LRP1B: variants seen among roughly 807,000 people sequenced by gnomAD.
LRP1B encodes the protein low-density lipoprotein receptor-related protein 1B.
LRP1B carries 217 observed loss-of-function variants against 556.6 expected under a neutral mutation model. The observed-to-expected ratio is 0.39, with a 90% CI of 0.35 to 0.44. The LOEUF (loss-of-function observed/expected upper bound fraction) is 0.44. LRP1B is among the 20% of genes least tolerant of loss of function. The pLI, the probability that LRP1B is intolerant of heterozygous loss-of-function variation, is 1.00. For missense variants in LRP1B, 5,053 were observed against 5,620.8 expected (o/e 0.90, Z 3.23); for synonymous variants, 2,047 against 1,865.8 (o/e 1.10, Z -2.50).
intron 7 of LRP1B, among the ~76,000 whole-genome samples, chr2:141,103,332 A>G (rs886116285): frequency 6.6e-6 from 1 of 152,148 alleles, no homozygotes; most frequent in African/African-American, 2.4e-5. Flanking sequence ...TTGGTTGTCA[A>G]TAAAAGGGGA....
chr2:141,310,560 G>T (rs1686775139), intron 3 of LRP1B, among the ~76,000 whole-genome samples: 2 of 152,194 alleles, frequency 1.3e-5, no homozygotes, highest in South Asian at 4.1e-4. Flanking sequence ...AATTAAAAAT[G>T]AAGATGAGAA....
intron 3 of LRP1B, among the ~76,000 whole-genome samples, chr2:141,457,916 C>CTA (rs1018785200): frequency 1.3e-5 from 2 of 152,036 alleles, no homozygotes; most frequent in Non-Finnish European, 2.9e-5. Context: ...GGCAATAAGG[C>CTA]TCAAGGTAAT....
At chr2:141,271,480 A>C (rs1221396426) in intron 3 of LRP1B, among the ~76,000 whole-genome samples, 3 of 151,826 alleles carry the variant, frequency 2.0e-5, no homozygotes, top group Non-Finnish European at 4.4e-5. Context: ...AAAAAATTTG[A>C]AAGCAGAAAG....
At chr2:141,526,972 T>A (rs113573865) in intron 2 of LRP1B, among the ~76,000 whole-genome samples, 250 of 152,224 alleles carry the variant, frequency 1.6e-3, no homozygotes, top group African/African-American at 5.6e-3. Flanking sequence ...GCATTTCAGA[T>A]TCTGCAGTAT....
intron 31 of LRP1B, among the ~76,000 whole-genome samples, chr2:140,835,738 C>T (rs2105085548): frequency 1.3e-5 from 2 of 152,014 alleles, no homozygotes; most frequent in South Asian, 4.1e-4. Context: ...GGGTTTTCAC[C>T]ATGTTGGCAA....
At position 140,700,508 on chromosome 2, in the gene LRP1B, T is replaced by C. The variant is rs755594169; in HGVS notation, c.6541A>G (p.Thr2181Ala). 8 of 1,613,478 alleles carry C rather than the reference T, an allele frequency of 5.0e-6. No homozygotes were observed. Among genetic ancestry groups the C allele is most frequent in the Admixed American group, 3.3e-5 (2 of 59,886 alleles). ...AHGYLAEDGV[T>A]CLRHEGYLLY... ...AAATAGCCTTCATGCCTCAGGCAAG[T>C]AACTCCATCTTCTGCCAAATATCCA... Residue 2181 changes from threonine to alanine, a missense_variant, in exon 41 of 91, where the codon ACT (threonine) becomes GCT (alanine). By Grantham distance (58) the Thr-to-Ala change is moderately conservative. Coordinates refer to ENST00000389484, the MANE Select transcript of LRP1B (RefSeq NM_018557.3).
chr2:140,998,929 T>C (rs1697331610), intron 15 of LRP1B, among the ~76,000 whole-genome samples: 1 of 152,098 alleles, frequency 6.6e-6, no homozygotes, highest in African/African-American at 2.4e-5. Flanking sequence ...GACTATAATC[T>C]AGACTGAACT....
chr2:142,092,876 C>T (rs570857975), intron 1 of LRP1B, among the ~76,000 whole-genome samples: 8 of 152,122 alleles, frequency 5.3e-5, no homozygotes, highest in African/African-American at 1.4e-4. Context: ...TGCAAAATCA[C>T]CATCATAAGT....
At chr2:140,279,791 G>T (rs1018615879) in intron 84 of LRP1B, among the ~76,000 whole-genome samples, 9 of 151,740 alleles carry the variant, frequency 5.9e-5, no homozygotes, top group Non-Finnish European at 1.0e-4. Context: ...AAACTTAATA[G>T]TTACTAAATA....
intron 2 of LRP1B, among the ~76,000 whole-genome samples, chr2:141,667,639 A>C (rs1190702121): frequency 6.6e-6 from 1 of 152,190 alleles, no homozygotes; most frequent in African/African-American, 2.4e-5. Context: ...TATATGTTCT[A>C]ATATCAGTTT....
intron 45 of LRP1B, among the ~76,000 whole-genome samples, chr2:140,539,945 G>A: frequency 6.6e-6 from 1 of 152,028 alleles, no homozygotes; most frequent in East Asian, 1.9e-4. Flanking sequence ...GCCTTTTTGG[G>A]TTGTAGTATC....
intron 7 of LRP1B, among the ~76,000 whole-genome samples, chr2:141,178,186 C>T (rs1455313804): frequency 6.6e-6 from 1 of 152,050 alleles, no homozygotes; most frequent in Non-Finnish European, 1.5e-5. Context: ...AGGATATTCC[C>T]CATTGCCAAC....
chr2:140,617,450 T>G (rs892102122), intron 41 of LRP1B, among the ~76,000 whole-genome samples: 3 of 152,006 alleles, frequency 2.0e-5, no homozygotes, highest in Non-Finnish European at 4.4e-5. Flanking sequence ...TGTGATCTAG[T>G]CAGTGCAGTA....
At chr2:140,351,171 A>G (rs1681940918) in intron 76 of LRP1B, 133 bp from the exon 77 acceptor site, 1 of 596,990 alleles carries the variant, frequency 1.7e-6, no homozygotes, top group Non-Finnish European at 2.8e-6. Flanking sequence ...CCAGTTTTAT[A>G]TTGTCTTTTA....
At chr2:141,338,286 A>C (rs369515113) in intron 3 of LRP1B, among the ~76,000 whole-genome samples, 1 of 152,198 alleles carries the variant, frequency 6.6e-6, no homozygotes, top group South Asian at 2.1e-4. Flanking sequence ...TTGGGAGCCA[A>C]GACACAGATA....
chr2:141,028,670 A>C (rs1698282751), intron 11 of LRP1B, among the ~76,000 whole-genome samples: 1 of 152,128 alleles, frequency 6.6e-6, no homozygotes, highest in Admixed American at 6.5e-5. Flanking sequence ...TAGAACAAAA[A>C]TCATCATTCT....
At chr2:140,346,544 G>A (rs1252567455) in intron 77 of LRP1B, among the ~76,000 whole-genome samples, 4 of 151,876 alleles carry the variant, frequency 2.6e-5, no homozygotes, top group Non-Finnish European at 1.5e-5. Flanking sequence ...ATAAATGATT[G>A]TAGTTGTTGA....
At chr2:141,624,832 C>G (rs897095038) in intron 2 of LRP1B, among the ~76,000 whole-genome samples, 8 of 152,238 alleles carry the variant, frequency 5.3e-5, no homozygotes, top group African/African-American at 1.9e-4. Flanking sequence ...TGCAGTGGCG[C>G]GATCTCGGCT....
intron 7 of LRP1B, among the ~76,000 whole-genome samples, chr2:141,148,264 G>A (rs1007604242): frequency 2.6e-5 from 4 of 152,150 alleles, no homozygotes; most frequent in African/African-American, 9.7e-5. Context: ...GTCTAATTCA[G>A]ATACATGCTG....
Sources: gnomAD v4.1 joint callset for allele counts (sites outside exome capture counted in the v4.1 genomes callset) on GRCh38, gnomAD v4.1.1 for gene constraint, MANE v1.5 for transcripts, NCBI Gene and HGNC (gene_info 2026-07-23, HGNC 2026-07-21) for gene names.